Variants in FBXL20 observed in about 807,000 individuals in gnomAD.
The protein encoded by FBXL20 is F-box/LRR-repeat protein 20.
Under a neutral mutation model 64.0 loss-of-function variants are expected in FBXL20, and 11 were observed. That is an observed-to-expected ratio of 0.17 (90% CI 0.11 to 0.28). The LOEUF (loss-of-function observed/expected upper bound fraction) is 0.28, where lower values mean the gene tolerates loss of function less well. FBXL20 is among the 10% of genes least tolerant of loss of function. The pLI is 1.00. For synonymous variants in FBXL20, 184 were observed against 189.0 expected (o/e 0.97, Z 0.22); for missense variants, 303 against 526.2 (o/e 0.58, Z 4.15).
chr17:39,402,303 C>A, upstream of FBXL20: 1 of 929,432 alleles, frequency 1.1e-6, no homozygotes, highest in Non-Finnish European at 1.4e-6. Flanking sequence ...GCCGCCTCCC[C>A]CGCCTCCCCC....
chr17:39,349,241 G>A (rs145486774), intron 1 of FBXL20, among the ~76,000 whole-genome samples: 1 of 148,660 alleles, frequency 6.7e-6, no homozygotes, highest in Non-Finnish European at 1.5e-5. Context: ...AACAGAGCGG[G>A]ACTCCGTCTC....
intron 1 of FBXL20, among the ~76,000 whole-genome samples, chr17:39,386,024 CAAAA>C (rs35967171): frequency 1.8e-4 from 7 of 39,610 alleles, no homozygotes; most frequent in Admixed American, 3.2e-4. Context: ...GATTCCGTCT[CAAAA>C]AAAAAAAAAA....
intron 2 of FBXL20, among the ~76,000 whole-genome samples, chr17:39,314,941 G>A (rs1415909224): frequency 2.6e-5 from 4 of 151,936 alleles, no homozygotes; most frequent in African/African-American, 9.7e-5. Context: ...GGGATTACAG[G>A]TGTACACTAC....
intron 1 of FBXL20, among the ~76,000 whole-genome samples, chr17:39,344,674 A>G (rs1567889658): frequency 6.6e-6 from 1 of 152,180 alleles, no homozygotes; most frequent in Non-Finnish European, 1.5e-5. Flanking sequence ...CTGTAGTACC[A>G]GCTACTCAGA....
chr17:39,341,770 A>C (rs191547021), intron 2 of FBXL20, among the ~76,000 whole-genome samples: 57 of 152,296 alleles, frequency 3.7e-4, no homozygotes, highest in Admixed American at 1.3e-3. Flanking sequence ...GGAGAAAAAA[A>C]CCACTGAGAT....
chr17:39,349,329 A>G (rs912231618), intron 1 of FBXL20, among the ~76,000 whole-genome samples: 5 of 143,676 alleles, frequency 3.5e-5, no homozygotes, highest in Admixed American at 6.9e-5. Context: ...CATCTCAAAA[A>G]AAAAAAAAAA....
intron 1 of FBXL20, among the ~76,000 whole-genome samples, chr17:39,383,445 TTC>T (rs2048046103): frequency 6.6e-6 from 1 of 151,948 alleles, no homozygotes; most frequent in Admixed American, 6.6e-5. Context: ...CAGAGAAAGA[TTC>T]TGTCTCCAAA....
chr17:39,388,839 C>G (rs1417581155), intron 1 of FBXL20, among the ~76,000 whole-genome samples: 1 of 149,714 alleles, frequency 6.7e-6, no homozygotes, highest in Non-Finnish European at 1.5e-5. Flanking sequence ...CAGTGGCTCA[C>G]GCCTGTAATC....
chr17:39,278,675 A>G (rs1484521639), intron 9 of FBXL20, among the ~76,000 whole-genome samples: 1 of 150,620 alleles, frequency 6.6e-6, no homozygotes, highest in Non-Finnish European at 1.5e-5. Context: ...AGCCTCCCAA[A>G]TACCTGGGAT....
chr17:39,328,747 G>C (rs1288433733), intron 2 of FBXL20, among the ~76,000 whole-genome samples: 3 of 152,144 alleles, frequency 2.0e-5, no homozygotes, highest in Non-Finnish European at 4.4e-5. Context: ...AGTTTTATGA[G>C]AAACAAGATA....
chr17:39,368,815 C>T (rs965838954), intron 1 of FBXL20, among the ~76,000 whole-genome samples: 3 of 152,016 alleles, frequency 2.0e-5, no homozygotes, highest in South Asian at 2.1e-4. Flanking sequence ...GCCACCACAC[C>T]GGGCTAATTT....
intron 2 of FBXL20, among the ~76,000 whole-genome samples, chr17:39,312,882 CTAT>C (rs2047248584): frequency 8.2e-6 from 1 of 121,902 alleles, no homozygotes. Flanking sequence ...GGCCTAAATT[CTAT>C]TTATTCCATA....
chr17:39,378,737 G>A (rs892933947), intron 1 of FBXL20, among the ~76,000 whole-genome samples: 2 of 151,454 alleles, frequency 1.3e-5, no homozygotes, highest in Non-Finnish European at 2.9e-5. Flanking sequence ...AGCCTCCCAA[G>A]TAGCTGGGAT....
At chr17:39,398,355 C>CT (rs1380286212) in intron 1 of FBXL20, among the ~76,000 whole-genome samples, 1 of 152,126 alleles carries the variant, frequency 6.6e-6, no homozygotes, top group African/African-American at 2.4e-5. Flanking sequence ...GGCTCAGTGT[C>CT]TGTCATGCAG....
chr17:39,381,420 C>T (rs2144655321), intron 1 of FBXL20, among the ~76,000 whole-genome samples: 1 of 140,254 alleles, frequency 7.1e-6, no homozygotes, highest in South Asian at 2.2e-4. Context: ...GCAGAGGTTG[C>T]AGTGAGACAA....
intron 1 of FBXL20, among the ~76,000 whole-genome samples, chr17:39,379,216 A>T (rs182211968): frequency 8.6e-5 from 13 of 151,080 alleles, no homozygotes; most frequent in Admixed American, 2.0e-4. Context: ...CGTCTCAAAA[A>T]AAATAAATAA....
intron 2 of FBXL20, among the ~76,000 whole-genome samples, chr17:39,307,195 G>A (rs569500846): frequency 2.6e-5 from 4 of 152,262 alleles, no homozygotes; most frequent in Non-Finnish European, 4.4e-5. Context: ...TACGGGCACT[G>A]TTTTAAGTCC....
At chr17:39,378,901 G>A (rs1310845600) in intron 1 of FBXL20, among the ~76,000 whole-genome samples, 7 of 148,352 alleles carry the variant, frequency 4.7e-5, no homozygotes, top group African/African-American at 1.5e-4. Context: ...GTGAGCCACC[G>A]CGCCCGGCCA....
At chr17:39,276,820 C>T (rs1378114239) in intron 9 of FBXL20, among the ~76,000 whole-genome samples, 1 of 152,182 alleles carries the variant, frequency 6.6e-6, no homozygotes, top group Non-Finnish European at 1.5e-5. Context: ...ATTACAAGCA[C>T]ACATGCCTAC....
Sources: allele counts gnomAD v4.1 joint callset (sites outside exome capture counted in the v4.1 genomes callset), GRCh38; gene constraint gnomAD v4.1.1; transcripts MANE v1.5; gene names NCBI Gene and HGNC (gene_info 2026-07-23, HGNC 2026-07-21).